FCHO2: variants seen among roughly 807,000 people sequenced by gnomAD.
The protein encoded by FCHO2 is F-BAR domain only protein 2.
FCHO2 carries 43 observed loss-of-function variants against 114.1 expected under a neutral mutation model. That is an observed-to-expected ratio of 0.38 (90% CI 0.30 to 0.49). The LOEUF (loss-of-function observed/expected upper bound fraction) is 0.49, where lower values mean the gene tolerates loss of function less well. FCHO2 is among the 20% of genes least tolerant of loss of function. The pLI, the probability that FCHO2 is intolerant of heterozygous loss-of-function variation, is 0.97. For synonymous variants in FCHO2, 293 were observed against 315.2 expected (o/e 0.93, Z 0.75); for missense variants, 807 against 950.4 (o/e 0.85, Z 1.98).
chr5:73,047,755 C>T (rs960925420), intron 11 of FCHO2, among the ~76,000 whole-genome samples: 3 of 152,030 alleles, frequency 2.0e-5, no homozygotes, highest in African/African-American at 7.2e-5. Flanking sequence ...ACTTATAATA[C>T]CTAATACAAT....
intron 2 of FCHO2, among the ~76,000 whole-genome samples, chr5:72,971,369 C>T (rs957758182): frequency 3.7e-4 from 57 of 152,072 alleles, no homozygotes; most frequent in Non-Finnish European, 7.5e-4. Flanking sequence ...CCTGTTGTTT[C>T]CTGACTTTTT....
chr5:73,081,667 T>G, intron 22 of FCHO2, 116 bp from the exon 23 acceptor site: 1 of 656,092 alleles, frequency 1.5e-6, no homozygotes, highest in Non-Finnish European at 2.4e-6. Flanking sequence ...CAACAGATAG[T>G]CCCCTCATTA....
At chr5:72,975,670 A>G (rs1752825762) in intron 2 of FCHO2, among the ~76,000 whole-genome samples, 2 of 151,940 alleles carry the variant, frequency 1.3e-5, no homozygotes, top group Non-Finnish European at 2.9e-5. Context: ...ATGCCTGGCT[A>G]ATTTTTGTAT....
At chr5:72,976,520 A>T (rs751802862) in intron 2 of FCHO2, among the ~76,000 whole-genome samples, 1 of 151,838 alleles carries the variant, frequency 6.6e-6, no homozygotes, top group Admixed American at 6.6e-5. Flanking sequence ...CCATCTTTTC[A>T]TATGCTTATT....
intron 2 of FCHO2, among the ~76,000 whole-genome samples, chr5:72,982,269 G>A (rs1051535905): frequency 6.6e-6 from 1 of 152,182 alleles, no homozygotes; most frequent in African/African-American, 2.4e-5. Context: ...AGTGAGATGA[G>A]CCGGGTACCT....
chr5:73,064,562 T>C (rs951843588), intron 18 of FCHO2, among the ~76,000 whole-genome samples: 1 of 152,064 alleles, frequency 6.6e-6, no homozygotes, highest in Non-Finnish European at 1.5e-5. Flanking sequence ...AATTTCTAAG[T>C]CCAGTTTAAT....
At chr5:72,998,447 A>G (rs1317599910) in intron 5 of FCHO2, among the ~76,000 whole-genome samples, 1 of 152,026 alleles carries the variant, frequency 6.6e-6, no homozygotes, top group East Asian at 1.9e-4. Flanking sequence ...AGATCGAGCC[A>G]CTGCACTCCA....
chr5:73,080,626 T>A (rs1053728400), intron 22 of FCHO2, among the ~76,000 whole-genome samples: 3 of 152,082 alleles, frequency 2.0e-5, no homozygotes, highest in Non-Finnish European at 4.4e-5. Context: ...TTTATATTTC[T>A]CTATTTTTTT....
intron 11 of FCHO2, among the ~76,000 whole-genome samples, chr5:73,050,792 T>C (rs1209915365): frequency 6.6e-6 from 1 of 152,188 alleles, no homozygotes; most frequent in Non-Finnish European, 1.5e-5. Flanking sequence ...TTTGGTCTTG[T>C]TTTATTTTGT....
intron 17 of FCHO2, among the ~76,000 whole-genome samples, chr5:73,063,304 A>AT (rs961368441): frequency 6.6e-6 from 1 of 151,928 alleles, no homozygotes; most frequent in African/African-American, 2.4e-5. Flanking sequence ...GATTTGGGGA[A>AT]TTTTTTTTAG....
At chr5:73,000,984 T>C (rs903189932) in intron 5 of FCHO2, among the ~76,000 whole-genome samples, 1 of 151,814 alleles carries the variant, frequency 6.6e-6, no homozygotes, top group Non-Finnish European at 1.5e-5. Flanking sequence ...TAATTCTACC[T>C]TAAGAATTTA....
At chr5:72,979,952 C>T (rs1014653767) in intron 2 of FCHO2, among the ~76,000 whole-genome samples, 1 of 152,122 alleles carries the variant, frequency 6.6e-6, no homozygotes, top group Non-Finnish European at 1.5e-5. Context: ...TCCTTCAGTT[C>T]TGCTCTGATC....
chr5:73,058,487 TTCA>T lies in FCHO2; in HGVS notation c.1311_1313del (p.Ser442del), dbSNP rs777189120. 1.2e-5 allele frequency: 19 copies of T among 1,527,048 alleles called. No individual in the cohort carries two copies. The highest frequency in any genetic ancestry group is 1.7e-5 in the Non-Finnish European group (19 of 1,117,510). 94.6% of individuals were successfully genotyped at this position (1,527,048 alleles called of 1,614,324 possible). On this transcript the variant is annotated inframe_deletion, in exon 17 of 26. Coordinates refer to ENST00000430046, the MANE Select transcript of FCHO2 (RefSeq NM_138782.3). Reference sequence around the variant, plus strand: ...ACCCCCTATTTGGACCATCTCTTGATTCATCTTCTTCATCTTCACTAACTTCAT... The same window carrying T: ...ACCCCCTATTTGGACCATCTCTTGATTCTTCTTCATCTTCACTAACTTCAT...
At chr5:73,005,883 T>G (rs1754688779) in intron 5 of FCHO2, among the ~76,000 whole-genome samples, 1 of 152,168 alleles carries the variant, frequency 6.6e-6, no homozygotes, top group Admixed American at 6.5e-5. Context: ...AGGCAAAGAT[T>G]GAAAACAAGT....
intron 19 of FCHO2, among the ~76,000 whole-genome samples, chr5:73,072,393 T>C (rs941859825): frequency 1.3e-5 from 2 of 151,974 alleles, no homozygotes; most frequent in Non-Finnish European, 2.9e-5. Context: ...ATCCAGCAAT[T>C]TTACTTCTGG....
chr5:73,074,656 A>T, intron 19 of FCHO2, 86 bp from the exon 20 acceptor site: 11 of 1,245,250 alleles, frequency 8.8e-6, no homozygotes, highest in Non-Finnish European at 1.0e-5. Context: ...GTCGTTTGTG[A>T]CAGCCTAACA....
At chr5:73,012,331 T>C (rs1755064289) in intron 6 of FCHO2, among the ~76,000 whole-genome samples, 1 of 152,056 alleles carries the variant, frequency 6.6e-6, no homozygotes, top group South Asian at 2.1e-4. Context: ...TTTTAAAAAT[T>C]AATGTAACAG....
intron 22 of FCHO2, 108 bp from the exon 23 acceptor site, chr5:73,081,675 T>C: frequency 1.4e-6 from 1 of 724,308 alleles, no homozygotes; most frequent in East Asian, 3.1e-5. Flanking sequence ...AGTCCCCTCA[T>C]TAGATATTTT....
At chr5:73,081,689 T>G (rs2112893912) in intron 22 of FCHO2, 94 bp from the exon 23 acceptor site, 1 of 897,340 alleles carries the variant, frequency 1.1e-6, no homozygotes, top group Middle Eastern at 3.7e-4. Flanking sequence ...ATATTTTTGA[T>G]TTTGTGGACT....
Sources: allele counts gnomAD v4.1 joint callset (sites outside exome capture counted in the v4.1 genomes callset), GRCh38; gene constraint gnomAD v4.1.1; transcripts MANE v1.5; gene names NCBI Gene and HGNC (gene_info 2026-07-23, HGNC 2026-07-21).